The following HIPK2 variants were observed in gnomAD, a reference collection of about 807,000 sequenced individuals.
HIPK2 encodes the protein homeodomain-interacting protein kinase 2.
Under a neutral mutation model 113.7 loss-of-function variants are expected in HIPK2, and 27 were observed. The ratio of observed to expected loss-of-function variants is 0.24; its 90% CI spans 0.17 to 0.33. The LOEUF is 0.33. HIPK2 is among the 10% of genes least tolerant of loss of function. The pLI, the probability that HIPK2 is intolerant of heterozygous loss-of-function variation, is 1.00. For missense variants in HIPK2, 1,257 were observed against 1,588.0 expected (o/e 0.79, Z 3.54); for synonymous variants, 631 against 642.2 (o/e 0.98, Z 0.26).
At chr7:139,580,610 C>G (rs1391748972) in intron 13 of HIPK2, among the ~76,000 whole-genome samples, 1 of 152,242 alleles carries the variant, frequency 6.6e-6, no homozygotes, top group East Asian at 1.9e-4. Context: ...GTGGCCCTGT[C>G]TACACTAGGT....
intron 2 of HIPK2, among the ~76,000 whole-genome samples, chr7:139,667,817 T>G (rs1802100223): frequency 1.3e-5 from 2 of 152,108 alleles, no homozygotes; most frequent in South Asian, 4.1e-4. Context: ...ATCTTTTAGG[T>G]AAGAACAAAG....
chr7:139,642,272 C>T (rs955069283), intron 2 of HIPK2, among the ~76,000 whole-genome samples: 9 of 152,158 alleles, frequency 5.9e-5, no homozygotes, highest in South Asian at 2.1e-4. Context: ...AGCTCTGAGC[C>T]GCTGTTTGAG....
At chr7:139,750,549 C>T (rs777043628) in intron 1 of HIPK2, among the ~76,000 whole-genome samples, 4 of 152,188 alleles carry the variant, frequency 2.6e-5, no homozygotes, top group Non-Finnish European at 4.4e-5. Context: ...CTGATAGGCA[C>T]GTAGACTGGC....
At chr7:139,615,779 T>C (rs1190198426) in intron 7 of HIPK2, among the ~76,000 whole-genome samples, 1 of 152,266 alleles carries the variant, frequency 6.6e-6, no homozygotes, top group Non-Finnish European at 1.5e-5. Flanking sequence ...TTTTCTATAC[T>C]TAGATTTTGT....
intron 9 of HIPK2, among the ~76,000 whole-genome samples, chr7:139,608,928 G>A (rs899002711): frequency 2.6e-5 from 4 of 152,170 alleles, no homozygotes; most frequent in Non-Finnish European, 4.4e-5. Flanking sequence ...GGTCAAATAT[G>A]AGCCCAAGAA....
Position 139,568,619 on chromosome 7 carries a change from A to G in HIPK2, c.*4308T>C, listed in dbSNP as rs1798166135. ...ATGTCTCTTCAAATGGGAAGGAGGG[A>G]GCCCACAAAAGACTAGAGGATGCTC... On this transcript the variant is annotated 3_prime_UTR_variant, in exon 15 of 15. Coordinates refer to ENST00000406875, the MANE Select transcript of HIPK2 (RefSeq NM_022740.5). The G allele has an allele frequency of 6.6e-6, 1 of 152,204 alleles. No individual in the cohort carries two copies. Among genetic ancestry groups the G allele is most frequent in the Non-Finnish European group, 1.5e-5 (1 of 68,050 alleles). 9.4% of individuals were successfully genotyped at this position (152,204 alleles called of 1,614,324 possible). A position where few individuals can be genotyped will look rare whatever the true frequency, so the allele number is the denominator to read the frequency against.
rs79989887 is a variant in HIPK2, at chr7:139,683,648, C to T, written c.1103+32284G>A. Among the ~76,000 whole-genome samples the T allele has an allele frequency of 0.018, 2,714 of 152,238 alleles. 90 individuals are homozygous for T. Among genetic ancestry groups the T allele is most frequent in the East Asian group, 0.091 (467 of 5,160 alleles). On this transcript the variant is annotated intron_variant, in intron 2 of 14. Transcript: ENST00000406875. The surrounding 1 kb of genome is among the most constrained non-coding windows in gnomAD (Gnocchi z 4.2). Reference sequence around the variant, plus strand: ...CCAGGAGGTGAGGGTCATTAGGGGCCTTCCTGGAGGTTGGCTGCCACTGTC... The same window carrying T: ...CCAGGAGGTGAGGGTCATTAGGGGCTTTCCTGGAGGTTGGCTGCCACTGTC...
intron 2 of HIPK2, among the ~76,000 whole-genome samples, chr7:139,662,995 G>GTCCT (rs1267113027): frequency 6.6e-6 from 1 of 152,140 alleles, no homozygotes; most frequent in Non-Finnish European, 1.5e-5. Flanking sequence ...CTGACTATCA[G>GTCCT]GGCTCTCCAT....
intron 2 of HIPK2, among the ~76,000 whole-genome samples, chr7:139,703,499 C>G (rs980242875): frequency 6.6e-6 from 1 of 152,016 alleles, no homozygotes; most frequent in African/African-American, 2.4e-5. Context: ...AACAGTTTGT[C>G]CCTCATGTTC....
intron 10 of HIPK2, 47 bp from the exon 11 acceptor site, chr7:139,600,643 G>A: frequency 1.3e-6 from 2 of 1,584,750 alleles, no homozygotes; most frequent in South Asian, 2.3e-5. Context: ...TGTTCTAAAA[G>A]TAGAGCTCCT....
chr7:139,702,271 AC>A (rs1434119504), intron 2 of HIPK2, among the ~76,000 whole-genome samples: 1 of 152,272 alleles, frequency 6.6e-6, no homozygotes, highest in East Asian at 1.9e-4. Context: ...GCTGCAGAGG[AC>A]ACTGTGGAAG....
chr7:139,582,687 C>T (rs540932229), intron 13 of HIPK2, among the ~76,000 whole-genome samples: 4 of 152,358 alleles, frequency 2.6e-5, no homozygotes, highest in South Asian at 2.1e-4. Flanking sequence ...TGGCGGGGAG[C>T]GCAAGCCTGT....
intron 1 of HIPK2, among the ~76,000 whole-genome samples, chr7:139,722,819 G>GA (rs1795453490): frequency 6.6e-6 from 1 of 151,530 alleles, no homozygotes; most frequent in Non-Finnish European, 1.5e-5. Context: ...TGTGATAAGT[G>GA]AAAAAAATCA....
chr7:139,691,333 C>A (rs1794399333), intron 2 of HIPK2, among the ~76,000 whole-genome samples: 1 of 152,192 alleles, frequency 6.6e-6, no homozygotes, highest in African/African-American at 2.4e-5. Flanking sequence ...CTCTGACGAG[C>A]CCGTCCCCAT....
chr7:139,730,688 G>A (rs1795749397), intron 1 of HIPK2, among the ~76,000 whole-genome samples: 1 of 152,122 alleles, frequency 6.6e-6, no homozygotes, highest in African/African-American at 2.4e-5. Context: ...TAAAAACTGT[G>A]TAGATTCTAT....
At chr7:139,635,872 C>A (rs913256739) in intron 2 of HIPK2, among the ~76,000 whole-genome samples, 1 of 152,170 alleles carries the variant, frequency 6.6e-6, no homozygotes, top group Non-Finnish European at 1.5e-5. Flanking sequence ...AAACAGAACA[C>A]AAAAAACAAA....
In HIPK2 at chr7:139,564,370, GC is replaced by G. The variant is rs1798032092; in HGVS notation, c.*8556del. 6.2e-6 allele frequency: 1 copy of G among 160,760 alleles called. No homozygotes were observed. Among genetic ancestry groups the G allele is most frequent in the Non-Finnish European group, 1.4e-5 (1 of 73,964 alleles). The allele number at this position is 160,760 out of a possible 1,614,324, so 10.0% of individuals were successfully genotyped here. On this transcript the variant is annotated 3_prime_UTR_variant, in exon 15 of 15. Transcript: ENST00000406875. Reference sequence around the variant, plus strand: ...ATCCCAGTCTCTTCTACTGCCTGGTGCCTGGAAATCAGTGGATCTATTAATA... The same window carrying G: ...ATCCCAGTCTCTTCTACTGCCTGGTGCTGGAAATCAGTGGATCTATTAATA...
At chr7:139,729,458 T>TA (rs1305628218) in intron 1 of HIPK2, among the ~76,000 whole-genome samples, 19 of 151,272 alleles carry the variant, frequency 1.3e-4, no homozygotes, top group African/African-American at 4.4e-4. Flanking sequence ...AGGCAGAACC[T>TA]AAGTAGGCCC....
At position 139,715,903 on chromosome 7, in the gene HIPK2, A is replaced by G. The variant is rs770686347; in HGVS notation, c.1103+29T>C. The G allele has an allele frequency of 6.9e-6, 11 of 1,596,572 alleles. No individual in the cohort carries two copies. In the Admixed American group the frequency reaches 1.9e-4, roughly 27 times the overall value. On this transcript the variant is annotated intron_variant, in intron 2 of 14. Coordinates refer to ENST00000406875, the MANE Select transcript of HIPK2 (RefSeq NM_022740.5). Reference sequence around the variant, plus strand: ...CTGTGAGTGCCACTGGGCATTCAGCAGCTCCTGTCTCCTTGTGGACGGTCT... The same window carrying G: ...CTGTGAGTGCCACTGGGCATTCAGCGGCTCCTGTCTCCTTGTGGACGGTCT...
Sources: allele counts gnomAD v4.1 joint callset (sites outside exome capture counted in the v4.1 genomes callset), GRCh38; gene constraint gnomAD v4.1.1; non-coding constraint Gnocchi (gnomAD v3.1); transcripts MANE v1.5; gene names NCBI Gene and HGNC (gene_info 2026-07-23, HGNC 2026-07-21).